HS6ST3: variants seen among roughly 807,000 people sequenced by gnomAD.
The protein encoded by HS6ST3 is heparan-sulfate 6-O-sulfotransferase 3.
HS6ST3 carries 12 observed loss-of-function variants against 36.7 expected under a neutral mutation model. The observed-to-expected ratio is 0.33, with a 90% CI of 0.21 to 0.53. HS6ST3 has a LOEUF of 0.53. Among genes scored for constraint, HS6ST3 ranks in the 20% least tolerant of loss-of-function variants. HS6ST3 has a pLI of 0.95. For synonymous variants in HS6ST3, 240 were observed against 257.5 expected (o/e 0.93, Z 0.65); for missense variants, 584 against 640.9 (o/e 0.91, Z 0.96).
Position 96,090,500 on chromosome 13 carries a change from C to T in HS6ST3, c.-363C>T, listed in dbSNP as rs1360823383. On this transcript the variant is annotated 5_prime_UTR_variant, in exon 1 of 2. Coordinates refer to ENST00000376705, the MANE Select transcript of HS6ST3 (RefSeq NM_153456.4). ...CGGCAGGTCCAGGACCCGAACCCCG[C>T]TCCCCAGCGCCTGAGCGCCTGCAAG... Among the ~76,000 whole-genome samples, 1 of 146,594 alleles carries T rather than the reference C, an allele frequency of 6.8e-6. No homozygotes were observed. The highest frequency in any genetic ancestry group is 2.4e-5 in the African/African-American group (1 of 40,910).
intron 1 of HS6ST3, among the ~76,000 whole-genome samples, chr13:96,739,329 G>T (rs1458738646): frequency 1.3e-5 from 2 of 150,196 alleles, no homozygotes; most frequent in Admixed American, 6.7e-5. Context: ...TCACCTCTTT[G>T]CCTTTGACTC....
At chr13:96,415,450 ATAAAT>A (rs2055528344) in intron 1 of HS6ST3, among the ~76,000 whole-genome samples, 1 of 152,246 alleles carries the variant, frequency 6.6e-6, no homozygotes, top group Non-Finnish European at 1.5e-5. Context: ...GAAGAAAAAA[ATAAAT>A]AAAGTGCTCT....
intron 1 of HS6ST3, among the ~76,000 whole-genome samples, chr13:96,334,497 C>T (rs2139422740): frequency 6.6e-6 from 1 of 152,268 alleles, no homozygotes; most frequent in East Asian, 1.9e-4. Flanking sequence ...TCACACTGCT[C>T]ATAAAGACCT....
At chr13:96,252,935 A>T (rs570813990) in intron 1 of HS6ST3, among the ~76,000 whole-genome samples, 62 of 152,216 alleles carry the variant, frequency 4.1e-4, no homozygotes, top group Non-Finnish European at 6.2e-4. Context: ...CTGCAGAACC[A>T]TGAGCTAATT....
chr13:96,777,103 T>C (rs1268295467), intron 1 of HS6ST3, among the ~76,000 whole-genome samples: 1 of 152,118 alleles, frequency 6.6e-6, no homozygotes, highest in Non-Finnish European at 1.5e-5. Context: ...CATGATTATC[T>C]CAATAGATGC....
intron 1 of HS6ST3, among the ~76,000 whole-genome samples, chr13:96,536,853 T>C (rs548717173): frequency 3.3e-5 from 5 of 152,326 alleles, no homozygotes; most frequent in African/African-American, 1.2e-4. Flanking sequence ...TTCAGTAGTA[T>C]GCCAACAGCC....
intron 1 of HS6ST3, among the ~76,000 whole-genome samples, chr13:96,558,259 C>T (rs562095217): frequency 6.6e-6 from 1 of 152,252 alleles, no homozygotes; most frequent in Admixed American, 6.5e-5. Context: ...TGATAATGCT[C>T]AAATTGAGAT....
chr13:96,807,898 G>A (rs1878235703), intron 1 of HS6ST3, among the ~76,000 whole-genome samples: 1 of 151,426 alleles, frequency 6.6e-6, no homozygotes, highest in Non-Finnish European at 1.5e-5. Context: ...CATTATAGAT[G>A]TGAGACTTTA....
chr13:96,678,526 T>A (rs982758805), intron 1 of HS6ST3, among the ~76,000 whole-genome samples: 6 of 151,796 alleles, frequency 4.0e-5, no homozygotes, highest in Middle Eastern at 3.2e-3. Context: ...TACAAAAAAA[T>A]TAGCCAGATA....
At chr13:96,304,714 T>TCTTTCTTTCTTTCTTTC (rs1555296788) in intron 1 of HS6ST3, among the ~76,000 whole-genome samples, 1 of 123,598 alleles carries the variant, frequency 8.1e-6, no homozygotes, top group Non-Finnish European at 1.7e-5. Flanking sequence ...TTTCTTTCTT[T>TCTTTCTTTCTTTCTTTC]TTTTTTTTTT....
intron 1 of HS6ST3, among the ~76,000 whole-genome samples, chr13:96,133,963 A>T (rs1385057023): frequency 6.6e-6 from 1 of 151,564 alleles, no homozygotes; most frequent in Non-Finnish European, 1.5e-5. Flanking sequence ...TTTTTGTATG[A>T]TGTGAGGCAA....
At position 96,839,141 on chromosome 13, in the gene HS6ST3, C is replaced by T. The variant is rs1464805263; in HGVS notation, c.*5943C>T. ...TTTTGAGGAGCAAAAGTTTTGTGTA[C>T]TTCAGTAATTGTCACATGTGTCTTC... On this transcript the variant is annotated 3_prime_UTR_variant, in exon 2 of 2. Transcript: ENST00000376705. The T allele has an allele frequency of 6.6e-6, 1 of 152,152 alleles. No homozygotes were observed. Among genetic ancestry groups the T allele is most frequent in the Non-Finnish European group, 1.5e-5 (1 of 68,010 alleles). 9.4% of individuals were successfully genotyped at this position (152,152 alleles called of 1,614,324 possible).
chr13:96,637,891 G>T (rs1358300302), intron 1 of HS6ST3, among the ~76,000 whole-genome samples: 1 of 152,096 alleles, frequency 6.6e-6, no homozygotes, highest in Non-Finnish European at 1.5e-5. Context: ...TCCTTGTAAT[G>T]AGTTGATTCA....
At chr13:96,585,795 TG>T (rs1157843267) in intron 1 of HS6ST3, among the ~76,000 whole-genome samples, 4 of 152,232 alleles carry the variant, frequency 2.6e-5, no homozygotes, top group Admixed American at 6.5e-5. Flanking sequence ...ATATATTTTA[TG>T]GTTGACTAGT....
intron 1 of HS6ST3, among the ~76,000 whole-genome samples, chr13:96,806,332 A>G (rs1878197359): frequency 6.6e-6 from 1 of 152,224 alleles, no homozygotes. Context: ...GCCAGGTATT[A>G]AAGGGACAAC....
intron 1 of HS6ST3, among the ~76,000 whole-genome samples, chr13:96,654,903 T>C (rs1216080225): frequency 6.6e-6 from 1 of 152,110 alleles, no homozygotes; most frequent in Non-Finnish European, 1.5e-5. Flanking sequence ...CCTTAAGTCA[T>C]AACTATTAGA....
chr13:96,546,996 CAG>C (rs1170254890), intron 1 of HS6ST3, among the ~76,000 whole-genome samples: 1 of 152,070 alleles, frequency 6.6e-6, no homozygotes, highest in Non-Finnish European at 1.5e-5. Context: ...CCCCTGATGC[CAG>C]AAAGAAAATG....
chr13:96,406,553 G>A (rs911484607), intron 1 of HS6ST3, among the ~76,000 whole-genome samples: 1 of 152,196 alleles, frequency 6.6e-6, no homozygotes, highest in Non-Finnish European at 1.5e-5. Context: ...CCAGGGAGCT[G>A]TTCAGCTTAG....
In HS6ST3 at chr13:96,835,055, C is replaced by G. The variant is rs1878892476; in HGVS notation, c.*1857C>G. The G allele has an allele frequency of 6.6e-6, 1 of 152,230 alleles. No homozygotes were observed. Among genetic ancestry groups the G allele is most frequent in the African/African-American group, 2.4e-5 (1 of 41,436 alleles). 9.4% of individuals were successfully genotyped at this position (152,230 alleles called of 1,614,324 possible). A position where few individuals can be genotyped will look rare whatever the true frequency, so the allele number is the denominator to read the frequency against. ...AGTGAAGCCCACAGAAAATAAGTAG[C>G]TCCTCCACAGGTTGTAAGCTAGGTC... On this transcript the variant is annotated 3_prime_UTR_variant, in exon 2 of 2. Transcript: ENST00000376705.
Sources: allele counts gnomAD v4.1 joint callset (sites outside exome capture counted in the v4.1 genomes callset), GRCh38; gene constraint gnomAD v4.1.1; transcripts MANE v1.5; gene names NCBI Gene and HGNC (gene_info 2026-07-23, HGNC 2026-07-21).